The following SDK2 variants were observed in gnomAD, a reference collection of about 807,000 sequenced individuals.
SDK2 encodes the protein protein sidekick-2.
Under a neutral mutation model 253.9 loss-of-function variants are expected in SDK2, and 105 were observed. The observed-to-expected ratio is 0.41, with a 90% CI of 0.35 to 0.49. The LOEUF (loss-of-function observed/expected upper bound fraction) is 0.49, where lower values mean the gene tolerates loss of function less well. Ranked by LOEUF, SDK2 falls within the 20% of genes least tolerant of loss-of-function variation. SDK2 has a pLI of 0.06. For synonymous variants in SDK2, 1,249 were observed against 1,234.9 expected, an observed-to-expected ratio of 1.01 and a Z score of -0.24; for missense variants, 2,608 against 3,003.0, an observed-to-expected ratio of 0.87 and a Z score of 3.07.
intron 18 of SDK2, 117 bp downstream of exon 18, chr17:73,414,527 C>G: frequency 1.3e-6 from 1 of 760,210 alleles, no homozygotes; most frequent in Admixed American, 2.3e-5. Context: ...TAGCTTGACT[C>G]GAGCCAATGA....
At chr17:73,494,553 C>T (rs188754802) in intron 2 of SDK2, among the ~76,000 whole-genome samples, 39 of 152,346 alleles carry the variant, frequency 2.6e-4, no homozygotes, top group African/African-American at 9.1e-4. Context: ...GTTTGAGAGA[C>T]TTTTGCATCT....
chr17:73,423,630 C>T, intron 13 of SDK2, 108 bp from the exon 14 acceptor site: 1 of 1,280,998 alleles, frequency 7.8e-7, no homozygotes, highest in Non-Finnish European at 1.0e-6. Flanking sequence ...ATACCGCATG[C>T]TTAGACGTAA....
At chr17:73,624,007 G>C (rs1424233350) in intron 1 of SDK2, among the ~76,000 whole-genome samples, 3 of 152,196 alleles carry the variant, frequency 2.0e-5, no homozygotes, top group Non-Finnish European at 4.4e-5. Context: ...AGGAGGACTG[G>C]GCAGGGCCGC....
chr17:73,442,586 C>A (rs34679819), intron 5 of SDK2, among the ~76,000 whole-genome samples: 32,254 of 152,034 alleles, frequency 0.21, 3,647 homozygotes, highest in East Asian at 0.34. Context: ...GATGATCCAC[C>A]CGCCTCGGCC....
At chr17:73,347,866 C>A (rs750417454) in intron 44 of SDK2, among the ~76,000 whole-genome samples, 1 of 152,166 alleles carries the variant, frequency 6.6e-6, no homozygotes, top group Non-Finnish European at 1.5e-5. Flanking sequence ...GGCACCGACC[C>A]CCTCTTCATA....
At chr17:73,469,722 G>A (rs538628445) in intron 3 of SDK2, among the ~76,000 whole-genome samples, 7 of 152,238 alleles carry the variant, frequency 4.6e-5, no homozygotes, top group African/African-American at 1.7e-4. Flanking sequence ...CTAAGGAGGG[G>A]GATCAAGGAG....
chr17:73,362,551 C>T (rs1017479129), intron 38 of SDK2, among the ~76,000 whole-genome samples: 8 of 152,072 alleles, frequency 5.3e-5, no homozygotes, highest in Non-Finnish European at 1.0e-4. Flanking sequence ...ACCATCATGC[C>T]TGGCTAATTT....
At position 73,401,049 on chromosome 17, in the gene SDK2, G is replaced by A; in HGVS notation, c.2942C>T (p.Ala981Val). 1 of 1,577,862 alleles carries A rather than the reference G, an allele frequency of 6.3e-7. No individual in the cohort carries two copies. The highest frequency in any genetic ancestry group is 1.2e-5 in the South Asian group (1 of 85,762). The change falls in exon 21 of 45, where the codon GCC (alanine) becomes GTC (valine). Residue 981 changes from alanine to valine, a missense_variant. This residue lies in a region of SDK2 where 1,505 missense variants were observed against 1,859.1 expected (regional missense o/e 0.81). Coordinates refer to ENST00000392650, the MANE Select transcript of SDK2 (RefSeq NM_001144952.2). ...MTSKGQGQVS[A>V]STISSGVPPE... ...GGGCACCCCAGAGGAGATGGTGGAGGCGGACACTTGGCCCTGGCCCTTTGA... is the reference window on the plus strand; with the variant it reads ...GGGCACCCCAGAGGAGATGGTGGAGACGGACACTTGGCCCTGGCCCTTTGA...
Position 73,430,531 on chromosome 17 carries a change from G to A in SDK2, c.1563C>T (p.His521=), listed in dbSNP as rs1105354. The part of the protein sequence containing the change: ...TQASMVCGVT[H]DPRVTIRYIW... ...AGTACCTGATGGTTACTCGGGGGTC[G>A]TGGGTCACTCCGCACACCATGGAGG... The change falls in exon 12 of 45, where the codon CAC becomes CAT. Residue 521 remains histidine (H), a synonymous_variant. Coordinates refer to ENST00000392650, the MANE Select transcript of SDK2 (RefSeq NM_001144952.2). 0.25 allele frequency: 403,679 copies of A among 1,603,216 alleles called. 55,139 individuals carry two copies. The highest frequency in any genetic ancestry group is 0.28 in the Non-Finnish European group (327,397 of 1,173,192).
intron 1 of SDK2, among the ~76,000 whole-genome samples, chr17:73,558,961 G>C (rs1442280499): frequency 2.0e-5 from 3 of 152,186 alleles, no homozygotes; most frequent in African/African-American, 7.2e-5. Context: ...CTGGCTCCCA[G>C]GACGTGGCCT....
chr17:73,417,240 C>G (rs2063190159), intron 16 of SDK2, among the ~76,000 whole-genome samples: 1 of 69,162 alleles, frequency 1.4e-5, no homozygotes, highest in African/African-American at 4.9e-5. Flanking sequence ...CTTGTCTCTA[C>G]TAAAAAAAAA....
chr17:73,412,007 TATGTAG>T (rs1327656570), intron 18 of SDK2, among the ~76,000 whole-genome samples: 5 of 127,780 alleles, frequency 3.9e-5, no homozygotes, highest in South Asian at 2.5e-4. Flanking sequence ...CACACATATA[TATGTAG>T]ATATACGTAT....
intron 27 of SDK2, 38 bp from the exon 28 acceptor site, chr17:73,391,576 C>G: frequency 8.6e-7 from 1 of 1,162,244 alleles, no homozygotes; most frequent in Middle Eastern, 2.3e-4. Context: ...ACCCATGAGG[C>G]TGCCGCTCAG....
At chr17:73,525,985 T>C (rs1479386913) in intron 1 of SDK2, among the ~76,000 whole-genome samples, 3 of 152,080 alleles carry the variant, frequency 2.0e-5, no homozygotes, top group African/African-American at 4.8e-5. Context: ...ACAGGGGAGA[T>C]GGATGAGCCA....
chr17:73,514,038 G>A (rs2064002642), intron 1 of SDK2, among the ~76,000 whole-genome samples: 1 of 152,164 alleles, frequency 6.6e-6, no homozygotes, highest in African/African-American at 2.4e-5. Flanking sequence ...CATTGATATT[G>A]TGGACCACAG....
Position 73,467,617 on chromosome 17 carries a change from GT to G in SDK2, c.331+4494del, listed in dbSNP as rs2063611538. On this transcript the variant is annotated intron_variant, in intron 3 of 44. Transcript: ENST00000392650. This position sits in a 1 kb window ranked among gnomAD's most constrained non-coding sequence, Gnocchi z 4.1. ...AGGGAGGCCCCCTGGGATGAGGCCA[GT>G]GTGTCCAGCAAGGGCATGAATGGGG... 6.6e-6 allele frequency among the ~76,000 whole-genome samples: 1 copy of G among 152,212 alleles called. No homozygotes were observed. Among genetic ancestry groups the G allele is most frequent in the Non-Finnish European group, 1.5e-5 (1 of 68,032 alleles).
intron 2 of SDK2, among the ~76,000 whole-genome samples, chr17:73,491,518 G>A (rs914649456): frequency 5.9e-5 from 9 of 152,090 alleles, no homozygotes; most frequent in African/African-American, 1.7e-4. Flanking sequence ...GACTACAGGC[G>A]TGCACCACTA....
intron 1 of SDK2, among the ~76,000 whole-genome samples, chr17:73,540,644 A>T (rs2044854332): frequency 6.6e-6 from 1 of 152,188 alleles, no homozygotes; most frequent in Non-Finnish European, 1.5e-5. Flanking sequence ...CCCTGGTGCT[A>T]TGTCACTTGC....
In SDK2 at chr17:73,443,483, T is replaced by C. The variant is rs139560047; in HGVS notation, c.614-2560A>G. ...GGGGCACAAGTAAGAGACAGACAGT[T>C]AGAGCCCAAGCCAGAGCGCCGCATG... is the stretch of plus-strand genomic sequence containing the variant. On this transcript the variant is annotated intron_variant, in intron 5 of 44. Transcript: ENST00000392650. The surrounding 1 kb of genome is among the most constrained non-coding windows in gnomAD (Gnocchi z 4.6). Among the ~76,000 whole-genome samples, 1,089 of 152,290 alleles carry C rather than the reference T, an allele frequency of 7.2e-3. 15 individuals are homozygous for C. Among genetic ancestry groups the C allele is most frequent in the African/African-American group, 0.025 (1,058 of 41,566 alleles).
Sources: allele counts gnomAD v4.1 joint callset (sites outside exome capture counted in the v4.1 genomes callset), GRCh38; gene constraint gnomAD v4.1.1; regional missense constraint gnomAD v4.1.1; non-coding constraint Gnocchi (gnomAD v3.1); transcripts MANE v1.5; gene names NCBI Gene and HGNC (gene_info 2026-07-23, HGNC 2026-07-21).